The following SNX30 variants were observed in gnomAD, a reference collection of about 807,000 sequenced individuals.
The protein encoded by SNX30 is sorting nexin-30.
In SNX30, 24 loss-of-function variants were observed where a neutral mutation model predicts 46.4. The observed-to-expected ratio is 0.52, with a 90% CI of 0.37 to 0.73. The LOEUF is 0.73. Among genes scored for constraint, SNX30 ranks in the 30% least tolerant of loss-of-function variants. The pLI is 0.00. For missense variants in SNX30, 533 were observed against 555.7 expected (o/e 0.96, Z 0.41); for synonymous variants, 189 against 211.5 (o/e 0.89, Z 0.92).
chr9:112,754,237 T>A (rs191553267), intron 1 of SNX30, among the ~76,000 whole-genome samples: 1 of 152,306 alleles, frequency 6.6e-6, no homozygotes, highest in Non-Finnish European at 1.5e-5. Flanking sequence ...AACTCTGTAG[T>A]GCTTGGGTAG....
At chr9:112,829,231 G>A (rs1840624879) in intron 3 of SNX30, among the ~76,000 whole-genome samples, 1 of 151,948 alleles carries the variant, frequency 6.6e-6, no homozygotes, top group Non-Finnish European at 1.5e-5. Context: ...ACAAAATTTT[G>A]TTTGGGCACC....
intron 1 of SNX30, among the ~76,000 whole-genome samples, chr9:112,768,275 TC>T: frequency 6.6e-6 from 1 of 152,294 alleles, no homozygotes; most frequent in East Asian, 1.9e-4. Context: ...GCTAAGCTCA[TC>T]CTCCTCTCGA....
Position 112,770,066 on chromosome 9 carries a change from T to TCCACCTTC in SNX30, c.156+18918_156+18925dup, listed in dbSNP as rs1340340323. Among the ~76,000 whole-genome samples, 3 of 152,240 alleles carry TCCACCTTC rather than the reference T, an allele frequency of 2.0e-5. No homozygotes were observed. The East Asian group carries it at 5.8e-4, about 29-fold the overall frequency. ...CAGCCGCCTGACTCGTCTTCCTGCTTCCACCTTCCCACCTTCAGTCATATA... is the reference window on the plus strand; with the variant it reads ...CAGCCGCCTGACTCGTCTTCCTGCTTCCACCTTCCCACCTTCCCACCTTCAGTCATATA... On this transcript the variant is annotated intron_variant, in intron 1 of 8. Coordinates refer to ENST00000374232, the MANE Select transcript of SNX30 (RefSeq NM_001012994.2).
intron 1 of SNX30, among the ~76,000 whole-genome samples, chr9:112,771,945 C>A (rs766218726): frequency 2.0e-5 from 3 of 152,254 alleles, no homozygotes; most frequent in Middle Eastern, 3.4e-3. Flanking sequence ...ACTTTTTGTT[C>A]TGGCTTGAGA....
chr9:112,795,619 C>T (rs533462446), intron 1 of SNX30, among the ~76,000 whole-genome samples: 194 of 152,200 alleles, frequency 1.3e-3, no homozygotes, highest in Non-Finnish European at 2.0e-3. Flanking sequence ...TACTGTCTGG[C>T]CAAGACATTT....
At chr9:112,795,662 A>G (rs1840093781) in intron 1 of SNX30, among the ~76,000 whole-genome samples, 1 of 151,734 alleles carries the variant, frequency 6.6e-6, no homozygotes, top group South Asian at 2.1e-4. Flanking sequence ...CTGGAAGGTT[A>G]TTGGCTGAGG....
intron 1 of SNX30, among the ~76,000 whole-genome samples, chr9:112,776,142 G>A (rs930227431): frequency 1.3e-5 from 2 of 151,978 alleles, no homozygotes; most frequent in African/African-American, 4.8e-5. Context: ...GGCCCTTTTA[G>A]TTTTACTGCT....
At chr9:112,776,845 G>C (rs1470666733) in intron 1 of SNX30, among the ~76,000 whole-genome samples, 1 of 152,226 alleles carries the variant, frequency 6.6e-6, no homozygotes, top group Non-Finnish European at 1.5e-5. Context: ...TCTGAACTAA[G>C]GAAGTGGGGA....
rs111347241 is a variant in SNX30, at chr9:112,806,118, A to G, written c.348+1151A>G. Among the ~76,000 whole-genome samples the G allele has an allele frequency of 2.7e-3, 418 of 152,224 alleles. 5 individuals carry two copies. The highest frequency in any genetic ancestry group is 9.7e-3 in the African/African-American group (404 of 41,534). ...TTTGCTGTGGGGGGCTGTCTTATAG[A>G]GTGTTTATCAGCAGCCCTGTCCTCT... On this transcript the variant is annotated intron_variant, in intron 2 of 8. Transcript: ENST00000374232.
At chr9:112,840,076 G>GA in intron 6 of SNX30, among the ~76,000 whole-genome samples, 1 of 152,336 alleles carries the variant, frequency 6.6e-6, no homozygotes, top group South Asian at 2.1e-4. Context: ...GTGGACGGTG[G>GA]AAAATGGAGC....
At chr9:112,780,084 A>G (rs575298043) in intron 1 of SNX30, among the ~76,000 whole-genome samples, 20 of 152,244 alleles carry the variant, frequency 1.3e-4, no homozygotes, top group Admixed American at 5.2e-4. Context: ...TGCTGCTTCT[A>G]CCTTTTGGAG....
chr9:112,815,100 T>G (rs1840377116), intron 2 of SNX30, among the ~76,000 whole-genome samples: 2 of 152,126 alleles, frequency 1.3e-5, no homozygotes, highest in African/African-American at 2.4e-5. Context: ...TTTAGAGGGA[T>G]TATGGCTGAT....
Position 112,836,377 on chromosome 9 carries a change from G to A in SNX30, c.782G>A (p.Arg261Gln), listed in dbSNP as rs1052008480. 3.1e-6 allele frequency: 5 copies of A among 1,604,106 alleles called. No individual in the cohort carries two copies. Among genetic ancestry groups the A allele is most frequent in the South Asian group, 1.1e-5 (1 of 90,870 alleles). ...GCACTCAAACTGGGAACCATTGATC[G>A]AATAGCCCAGCGGATCATCAAAGAA... ...TFALKLGTIDRIAQRIIKEEI... is the reference protein window; with the variant it reads ...TFALKLGTIDQIAQRIIKEEI... The change falls in exon 5 of 9, where the codon CGA (arginine) becomes CAA (glutamine). Residue 261 changes from arginine to glutamine, a missense_variant. Arg to Gln is a conservative substitution (Grantham distance 43). Around this residue, in one of 3 missense-constraint regions of SNX30, gnomAD observed 261 missense variants for 270.9 expected, o/e 0.96. Transcript: ENST00000374232.
At chr9:112,806,008 G>T (rs1467039690) in intron 2 of SNX30, among the ~76,000 whole-genome samples, 1 of 151,984 alleles carries the variant, frequency 6.6e-6, no homozygotes, top group Non-Finnish European at 1.5e-5. Context: ...ATTATTTTTT[G>T]AATATTTAAA....
intron 7 of SNX30, among the ~76,000 whole-genome samples, chr9:112,854,804 G>A (rs1437204476): frequency 2.6e-5 from 4 of 152,184 alleles, no homozygotes; most frequent in Admixed American, 6.5e-5. Flanking sequence ...CCCCAGCTGC[G>A]CCCTAGCTTG....
chr9:112,861,512 C>T (rs1841231953), intron 7 of SNX30, among the ~76,000 whole-genome samples: 1 of 152,192 alleles, frequency 6.6e-6, no homozygotes, highest in South Asian at 2.1e-4. Flanking sequence ...AAGCTAAGCT[C>T]TGGAAGTTTG....
chr9:112,832,030 A>G (rs1481566797), intron 4 of SNX30, among the ~76,000 whole-genome samples: 3 of 152,216 alleles, frequency 2.0e-5, no homozygotes, highest in Admixed American at 2.0e-4. Flanking sequence ...AGATAACATT[A>G]GGTGACATTA....
chr9:112,765,112 C>A (rs945318500), intron 1 of SNX30, among the ~76,000 whole-genome samples: 1 of 152,118 alleles, frequency 6.6e-6, no homozygotes, highest in Non-Finnish European at 1.5e-5. Flanking sequence ...ATTCCAGCTA[C>A]CGGGTTCAGA....
At chr9:112,804,004 G>T (rs1348461007) in intron 1 of SNX30, among the ~76,000 whole-genome samples, 1 of 137,510 alleles carries the variant, frequency 7.3e-6, no homozygotes, top group Non-Finnish European at 1.6e-5. Flanking sequence ...CTCGCGCACG[G>T]TGCGCACACA....
Sources: allele counts gnomAD v4.1 joint callset (sites outside exome capture counted in the v4.1 genomes callset), GRCh38; gene constraint gnomAD v4.1.1; regional missense constraint gnomAD v4.1.1; transcripts MANE v1.5; gene names NCBI Gene and HGNC (gene_info 2026-07-23, HGNC 2026-07-21).